The following CNTN4 variants were observed in gnomAD, a reference collection of about 807,000 sequenced individuals.
The protein encoded by CNTN4 is contactin-4.
Under a neutral mutation model 122.5 loss-of-function variants are expected in CNTN4, and 77 were observed. The observed-to-expected ratio is 0.63, with a 90% confidence interval of 0.52 to 0.76. The LOEUF is 0.76. Among genes scored for constraint, CNTN4 ranks in the 30% least tolerant of loss-of-function variants. CNTN4 has a pLI of 0.00. For synonymous variants in CNTN4, 512 were observed against 447.0 expected (o/e 1.15, Z -1.83); for missense variants, 1,256 against 1,259.1 (o/e 1.00, Z 0.04).
chr3:2,306,085 G>C (rs1489668510), intron 2 of CNTN4, among the ~76,000 whole-genome samples: 2 of 151,884 alleles, frequency 1.3e-5, no homozygotes, highest in African/African-American at 4.8e-5. Context: ...AAATAATGTT[G>C]CTTTGAATAT....
intron 2 of CNTN4, among the ~76,000 whole-genome samples, chr3:2,171,232 T>C (rs2036491449): frequency 6.6e-6 from 1 of 152,198 alleles, no homozygotes; most frequent in Admixed American, 6.5e-5. Context: ...AATGATTTGC[T>C]CTTACCAAAA....
chr3:2,615,481 T>C (rs1177742282), intron 4 of CNTN4, among the ~76,000 whole-genome samples: 1 of 152,188 alleles, frequency 6.6e-6, no homozygotes, highest in Non-Finnish European at 1.5e-5. Context: ...TTCAGTGTCT[T>C]AAAACAGTTC....
chr3:3,037,147 T>C (rs1441526845), intron 17 of CNTN4, 32 bp from the exon 18 acceptor site: 1 of 1,613,694 alleles, frequency 6.2e-7, no homozygotes, highest in African/African-American at 1.3e-5. Context: ...TGAGAACCTA[T>C]GAAACAGCCC....
intron 6 of CNTN4, among the ~76,000 whole-genome samples, chr3:2,792,956 G>A (rs1303602268): frequency 6.6e-6 from 1 of 152,106 alleles, no homozygotes; most frequent in Non-Finnish European, 1.5e-5. Context: ...TAAAAGATAG[G>A]GACATCTCTG....
At chr3:2,568,215 C>G (rs1037928262) in intron 3 of CNTN4, among the ~76,000 whole-genome samples, 1 of 147,138 alleles carries the variant, frequency 6.8e-6, no homozygotes, top group Non-Finnish European at 1.5e-5. Context: ...AAAACTGATT[C>G]ATGCTTTTGT....
At chr3:2,914,981 A>G (rs568144985) in intron 12 of CNTN4, among the ~76,000 whole-genome samples, 5 of 152,268 alleles carry the variant, frequency 3.3e-5, no homozygotes, top group Non-Finnish European at 5.9e-5. Context: ...TACAATAATC[A>G]GTTAATATAA....
At chr3:2,616,216 A>G (rs1336113280) in intron 4 of CNTN4, among the ~76,000 whole-genome samples, 1 of 150,272 alleles carries the variant, frequency 6.7e-6, no homozygotes. Flanking sequence ...TCATTGTTCA[A>G]CTCCCACTTA....
At chr3:2,783,595 T>C (rs150692414) in intron 6 of CNTN4, among the ~76,000 whole-genome samples, 56 of 152,350 alleles carry the variant, frequency 3.7e-4, no homozygotes, top group African/African-American at 1.2e-3. Flanking sequence ...ATCCAGCTTT[T>C]AAACTTTTTA....
chr3:2,887,030 T>C lies in CNTN4; in HGVS notation c.756-10T>C. 6.2e-7 allele frequency: 1 copy of C among 1,612,664 alleles called. No homozygotes were observed. The highest frequency in any genetic ancestry group is 8.5e-7 in the Non-Finnish European group (1 of 1,179,136). On this transcript the variant is annotated splice_polypyrimidine_tract_variant and intron_variant, in intron 9 of 24. Transcript: ENST00000418658. ...TAGTTTGATTCACTCCTTTTTATTC[T>C]TGCTATCAGTCCAGTACCAACTATT...
intron 3 of CNTN4, among the ~76,000 whole-genome samples, chr3:2,344,078 T>C (rs755069917): frequency 3.3e-5 from 5 of 152,188 alleles, no homozygotes. Flanking sequence ...ATGAACAGTC[T>C]TCCCCCCATG....
chr3:2,922,405 C>T (rs544830164), intron 12 of CNTN4, among the ~76,000 whole-genome samples: 4 of 152,126 alleles, frequency 2.6e-5, no homozygotes, highest in African/African-American at 9.6e-5. Flanking sequence ...ACAAGCTGAA[C>T]AGCATCTCTG....
chr3:2,780,968 C>T (rs763001339), intron 6 of CNTN4, among the ~76,000 whole-genome samples: 1 of 152,152 alleles, frequency 6.6e-6, no homozygotes, highest in Non-Finnish European at 1.5e-5. Context: ...ACCACTTGAG[C>T]ACATGAGACT....
intron 7 of CNTN4, among the ~76,000 whole-genome samples, chr3:2,863,068 G>A (rs1406141858): frequency 6.6e-6 from 1 of 152,074 alleles, no homozygotes; most frequent in Non-Finnish European, 1.5e-5. Context: ...GAAGAAATAG[G>A]ACAAGCGATT....
intron 6 of CNTN4, among the ~76,000 whole-genome samples, chr3:2,758,513 C>A (rs990561913): frequency 8.6e-6 from 1 of 115,966 alleles, no homozygotes; most frequent in Admixed American, 1.1e-4. Context: ...CTTTCAACAC[C>A]ATACTTTTTT....
At chr3:2,850,964 C>T (rs531456466) in intron 7 of CNTN4, among the ~76,000 whole-genome samples, 1 of 152,156 alleles carries the variant, frequency 6.6e-6, no homozygotes, top group African/African-American at 2.4e-5. Context: ...AGGAAGGGAG[C>T]CTGAGAGAGG....
chr3:2,661,362 G>C (rs2083881689), intron 4 of CNTN4, among the ~76,000 whole-genome samples: 1 of 152,082 alleles, frequency 6.6e-6, no homozygotes, highest in Non-Finnish European at 1.5e-5. Context: ...ATCTAGGACT[G>C]AAATAAAACA....
intron 2 of CNTN4, among the ~76,000 whole-genome samples, chr3:2,234,370 C>CAAAAAAAA (rs72401999): frequency 7.9e-4 from 75 of 94,684 alleles, no homozygotes; most frequent in African/African-American, 1.6e-3. Flanking sequence ...AAGTCCATCT[C>CAAAAAAAA]AAAAAAAAAA....
chr3:2,313,050 T>A (rs2042970521), intron 2 of CNTN4, among the ~76,000 whole-genome samples: 1 of 151,952 alleles, frequency 6.6e-6, no homozygotes, highest in Admixed American at 6.6e-5. Flanking sequence ...GAAGTAATGT[T>A]CAACTTGAAA....
intron 3 of CNTN4, among the ~76,000 whole-genome samples, chr3:2,476,570 G>A (rs2075840460): frequency 6.6e-6 from 1 of 152,138 alleles, no homozygotes; most frequent in Non-Finnish European, 1.5e-5. Flanking sequence ...AACCAGATGC[G>A]TTGTATGATT....
Sources: gnomAD v4.1 joint callset for allele counts (sites outside exome capture counted in the v4.1 genomes callset) on GRCh38, gnomAD v4.1.1 for gene constraint, MANE v1.5 for transcripts, NCBI Gene and HGNC (gene_info 2026-07-23, HGNC 2026-07-21) for gene names.